Variants in LAMC3 observed in about 807,000 individuals in gnomAD.
LAMC3 encodes laminin subunit gamma 3.
Under a neutral mutation model 173.8 loss-of-function variants are expected in LAMC3, and 128 were observed. That is an observed-to-expected ratio of 0.74 (90% confidence interval 0.64 to 0.85). The LOEUF (loss-of-function observed/expected upper bound fraction) is 0.85. Ranked by LOEUF, LAMC3 falls within the 40% of genes least tolerant of loss-of-function variation. The probability of loss-of-function intolerance (pLI) is 0.00; values close to 1 mark genes in which losing one functional copy is unlikely to be tolerated. For missense variants in LAMC3, 2,022 were observed against 2,156.0 expected (o/e 0.94, Z 1.23); for synonymous variants, 897 against 909.1 (o/e 0.99, Z 0.24).
intron 1 of LAMC3, among the ~76,000 whole-genome samples, chr9:131,016,703 G>A (rs1413163178): frequency 1.3e-5 from 2 of 152,210 alleles, no homozygotes; most frequent in African/African-American, 2.4e-5. Context: ...GAGCGCTTAA[G>A]TCAAAATGTT....
At chr9:131,056,504 AAT>A (rs1232098026) in intron 11 of LAMC3, among the ~76,000 whole-genome samples, 23 of 151,634 alleles carry the variant, frequency 1.5e-4, no homozygotes, top group African/African-American at 5.1e-4. Flanking sequence ...GAAAAATAAA[AAT>A]AAAAATCAAC....
chr9:131,012,533 A>G (rs1032326774), intron 1 of LAMC3, among the ~76,000 whole-genome samples: 1 of 152,194 alleles, frequency 6.6e-6, no homozygotes, highest in Admixed American at 6.5e-5. Flanking sequence ...AGACATCCTG[A>G]CGCTGGTCTC....
chr9:131,032,191 G>A lies in LAMC3; in HGVS notation c.809+16G>A, dbSNP rs2133236145. 1 of 1,499,062 alleles carries A rather than the reference G, an allele frequency of 6.7e-7. No individual in the cohort carries two copies. Among genetic ancestry groups the A allele is most frequent in the Non-Finnish European group, 9.1e-7 (1 of 1,104,122 alleles). The allele number at this position is 1,499,062 out of a possible 1,614,324, so 92.9% of individuals were successfully genotyped here. A position where few individuals can be genotyped will look rare whatever the true frequency, so the allele number is the denominator to read the frequency against. On this transcript the variant is annotated intron_variant, in intron 3 of 27. Transcript: ENST00000361069. Reference sequence around the variant, plus strand: ...TGGGCGGCAGGTAGGAGGGAGGAGGGAGGCAGGGTGGCAGGGCTCCAGGAC... The same window carrying A: ...TGGGCGGCAGGTAGGAGGGAGGAGGAAGGCAGGGTGGCAGGGCTCCAGGAC...
chr9:131,009,479 T>G lies in LAMC3; in HGVS notation c.265T>G (p.Ser89Ala), dbSNP rs2133193705. 1 of 1,549,616 alleles carries G rather than the reference T, an allele frequency of 6.5e-7. No individual in the cohort carries two copies. The highest frequency in any genetic ancestry group is 8.7e-7 in the Non-Finnish European group (1 of 1,146,882). Residue 89 changes from serine (S) to alanine (A), a missense_variant, in exon 1 of 28, where the codon TCC becomes GCC. Physicochemically the swap from Ser to Ala is moderately conservative, Grantham distance 99. Coordinates refer to ENST00000361069, the MANE Select transcript of LAMC3 (RefSeq NM_006059.4). This position sits in a 1 kb window ranked among gnomAD's most constrained non-coding sequence, Gnocchi z 4.3. ...CGACCCCCAGCGCCACCACAACGCC[T>G]CCTACCTCACCGACTTCCACAGCCA... ...AADPQRHHNASYLTDFHSQDE... is the reference protein window; with the variant it reads ...AADPQRHHNAAYLTDFHSQDE...
intron 4 of LAMC3, among the ~76,000 whole-genome samples, chr9:131,036,537 T>C (rs1231042547): frequency 1.3e-5 from 2 of 152,094 alleles, no homozygotes; most frequent in East Asian, 3.9e-4. Flanking sequence ...TCTCCTCCAC[T>C]AAGTAGCTTC....
In LAMC3 at chr9:131,091,601, C is replaced by T. The variant is rs1437940112; in HGVS notation, c.4542C>T (p.Arg1514=). The change falls in exon 28 of 28, where the codon CGC becomes CGT. Residue 1514 remains arginine, a synonymous_variant. Transcript: ENST00000361069. ...ACGAGACTCAGTGGGCACTAGAACG[C>T]CTGAGGCTGCAGCTGGGCTCCCCGG... is the stretch of plus-strand genomic sequence containing the variant. ...ALNETQWALE[R]LRLQLGSPGS... 1.9e-6 allele frequency: 3 copies of T among 1,593,094 alleles called. No individual in the cohort carries two copies. Among genetic ancestry groups the T allele is most frequent in the Admixed American group, 3.5e-5 (2 of 56,364 alleles).
rs567868315 is a variant in LAMC3 at position 131,068,069 on chromosome 9, T to C, written c.2594-9T>C. On this transcript the variant is annotated splice_polypyrimidine_tract_variant and intron_variant, in intron 14 of 27. Coordinates refer to ENST00000361069, the MANE Select transcript of LAMC3 (RefSeq NM_006059.4). Reference sequence around the variant, plus strand: ...TGTTCCCAACACCCCTTCCTGCTCCTGCCCCCAGCTTGCAGCTGTCACCCA... The same window carrying C: ...TGTTCCCAACACCCCTTCCTGCTCCCGCCCCCAGCTTGCAGCTGTCACCCA... 2 of 1,609,166 alleles carry C rather than the reference T, an allele frequency of 1.2e-6. No individual in the cohort carries two copies. The highest frequency in any genetic ancestry group is 1.7e-6 in the Non-Finnish European group (2 of 1,180,020).
chr9:131,017,463 G>A (rs1422889940), intron 1 of LAMC3, among the ~76,000 whole-genome samples: 3 of 151,936 alleles, frequency 2.0e-5, no homozygotes, highest in African/African-American at 7.3e-5. Flanking sequence ...CGGTCCTTAC[G>A]CCTGTAATCC....
intron 16 of LAMC3, 128 bp from the exon 17 acceptor site, chr9:131,069,544 T>C (rs571649832): frequency 6.6e-5 from 59 of 899,734 alleles, no homozygotes; most frequent in Admixed American, 3.1e-4. Flanking sequence ...AGGAATGTTT[T>C]TGATGCTGCC....
intron 27 of LAMC3, among the ~76,000 whole-genome samples, chr9:131,088,561 A>G (rs918321415): frequency 6.6e-6 from 1 of 152,138 alleles, no homozygotes; most frequent in African/African-American, 2.4e-5. Flanking sequence ...AACAGCATGT[A>G]TTTTTTTCAA....
rs576845403 is a variant in LAMC3, at chr9:131,076,782, T to C, written c.3630-405T>C. ...TCTCCATTCATCAGTGGTGAGGACG[T>C]GCCCAAGGTCTCTGGAAAGGGCATG... On this transcript the variant is annotated intron_variant, in intron 21 of 27. Transcript: ENST00000361069. Among the ~76,000 whole-genome samples, 4 of 152,342 alleles carry C rather than the reference T, an allele frequency of 2.6e-5. No homozygotes were observed. The East Asian group carries it at 7.7e-4, about 29-fold the overall frequency.
At chr9:131,043,236 C>G (rs1834088910) in intron 7 of LAMC3, among the ~76,000 whole-genome samples, 1 of 152,220 alleles carries the variant, frequency 6.6e-6, no homozygotes, top group South Asian at 2.1e-4. Flanking sequence ...TAAACTTCCT[C>G]TTTCAAGTGT....
chr9:131,059,519 A>G (rs1433589689), intron 12 of LAMC3, among the ~76,000 whole-genome samples: 2 of 124,728 alleles, frequency 1.6e-5, no homozygotes, highest in Non-Finnish European at 3.4e-5. Context: ...AAAAAAAAAA[A>G]GACGTCAGCT....
At chr9:131,077,059 C>T (rs1042454792) in intron 21 of LAMC3, 128 bp from the exon 22 acceptor site, 52 of 1,266,836 alleles carry the variant, frequency 4.1e-5, no homozygotes, top group Non-Finnish European at 5.4e-5. Context: ...GTACCTACCC[C>T]GCAGAGGGCT....
At position 131,093,092 on chromosome 9, in the gene LAMC3, G is replaced by A. The variant is rs902021042; in HGVS notation, c.*1305G>A. The stretch of plus-strand genomic sequence containing the variant: ...GTGTGCCTCACCCTCCCCGGCTGGT[G>A]GGCAGCCAGGGCCCTGGCTGTGGGT... On this transcript the variant is annotated 3_prime_UTR_variant, in exon 28 of 28. Transcript: ENST00000361069. 1.3e-5 allele frequency: 2 copies of A among 152,278 alleles called. No homozygotes were observed. The highest frequency in any genetic ancestry group is 2.9e-5 in the Non-Finnish European group (2 of 68,130). 9.4% of individuals were successfully genotyped at this position (152,278 alleles called of 1,614,324 possible).
At chr9:131,079,642 T>C (rs1347411408) in intron 23 of LAMC3, among the ~76,000 whole-genome samples, 4 of 151,954 alleles carry the variant, frequency 2.6e-5, no homozygotes, top group Admixed American at 2.6e-4. Flanking sequence ...TGCAGTGAGC[T>C]GAGATCGCGC....
intron 25 of LAMC3, among the ~76,000 whole-genome samples, chr9:131,086,363 C>T (rs1194595272): frequency 5.3e-5 from 8 of 150,224 alleles, no homozygotes; most frequent in Non-Finnish European, 1.0e-4. Flanking sequence ...CAGGTGTGAG[C>T]CACTGCACCC....
intron 3 of LAMC3, among the ~76,000 whole-genome samples, chr9:131,035,444 G>A (rs1382989432): frequency 1.3e-5 from 2 of 152,084 alleles, no homozygotes. Context: ...GGGCTGACGG[G>A]TGGGTGCCAC....
intron 15 of LAMC3, among the ~76,000 whole-genome samples, 158 bp from the exon 16 acceptor site, chr9:131,068,750 C>T (rs969041773): frequency 1.3e-5 from 2 of 152,128 alleles, no homozygotes; most frequent in Non-Finnish European, 2.9e-5. Flanking sequence ...TTGTGCTTTC[C>T]AGAGCACAGC....
Sources: gnomAD v4.1 joint callset for allele counts (sites outside exome capture counted in the v4.1 genomes callset) on GRCh38, gnomAD v4.1.1 for gene constraint, Gnocchi (gnomAD v3.1) non-coding constraint, MANE v1.5 for transcripts, NCBI Gene and HGNC (gene_info 2026-07-23, HGNC 2026-07-21) for gene names.